Variants in SENP2 observed in about 807,000 individuals in gnomAD.
The protein encoded by SENP2 is SUMO specific peptidase 2, also known as sentrin-specific protease 2.
In SENP2, 16 loss-of-function variants were observed where a neutral mutation model predicts 86.3. The observed-to-expected ratio is 0.19, with a 90% CI of 0.13 to 0.28. The LOEUF (loss-of-function observed/expected upper bound fraction) is 0.28, where lower values mean the gene tolerates loss of function less well. SENP2 is among the 10% of genes least tolerant of loss of function. SENP2 has a pLI of 1.00. For synonymous variants in SENP2, 222 were observed against 238.7 expected, an observed-to-expected ratio of 0.93 and a Z score of 0.64; for missense variants, 552 against 703.0, an observed-to-expected ratio of 0.79 and a Z score of 2.43.
intron 16 of SENP2, among the ~76,000 whole-genome samples, chr3:185,627,517 A>G (rs1313701110): frequency 1.3e-5 from 2 of 152,196 alleles, no homozygotes; most frequent in African/African-American, 2.4e-5. Flanking sequence ...GGTTCAAGCA[A>G]TACTCCTGCC....
chr3:185,599,316 CTG>C, intron 4 of SENP2, among the ~76,000 whole-genome samples: 1 of 152,218 alleles, frequency 6.6e-6, no homozygotes. Flanking sequence ...AGAACTTACT[CTG>C]TGCCGGGTGC....
chr3:185,613,081 CA>C (rs1292578526), intron 9 of SENP2, among the ~76,000 whole-genome samples: 2 of 152,224 alleles, frequency 1.3e-5, no homozygotes, highest in African/African-American at 4.8e-5. Context: ...TCTATTGGAA[CA>C]TGCGAATTCA....
Position 185,626,320 on chromosome 3 carries a change from G to A in SENP2, c.1634G>A (p.Gly545Glu). The change falls in exon 16 of 17, where the codon GGG (glycine) becomes GAG (glutamate). Residue 545 changes from glycine to glutamate, a missense_variant. Gly to Glu is a moderately conservative substitution (Grantham distance 98, BLOSUM62 -2). Around this residue, in one of 2 missense-constraint regions of SENP2, gnomAD observed 169 missense variants for 275.7 expected, o/e 0.61. Transcript: ENST00000296257. ...TAGGAGATTCCTCAACAGCTGAATGGGAGTGATTGTGGAATGTTTACTTGT... is the reference window on the plus strand; with the variant it reads ...TAGGAGATTCCTCAACAGCTGAATGAGAGTGATTGTGGAATGTTTACTTGT... ...KPHEIPQQLNGSDCGMFTCKY... is the reference protein window; with the variant it reads ...KPHEIPQQLNESDCGMFTCKY... The A allele has an allele frequency of 6.2e-7, 1 of 1,610,602 alleles. No homozygotes were observed. The highest frequency in any genetic ancestry group is 8.5e-7 in the Non-Finnish European group (1 of 1,177,826).
intron 5 of SENP2, among the ~76,000 whole-genome samples, chr3:185,603,016 G>A (rs1214309804): frequency 6.8e-6 from 1 of 147,682 alleles, no homozygotes; most frequent in Non-Finnish European, 1.5e-5. Context: ...GGGTTCAAGC[G>A]ATTCTCCTGC....
rs1722512770 is a variant in SENP2, at chr3:185,606,456, G to C, written c.576G>C (p.Glu192Asp). ...CTGTAACAGAGATGATTTCTGAAGA[G>C]AGTGGCAAGGGTCTGAGGCGTCCCC... ...EQAVTEMISE[E>D]SGKGLRRPHC... The change falls in exon 6 of 17, where the codon GAG becomes GAC. Residue 192 changes from glutamate to aspartate, a missense_variant. Around this residue, in one of 2 missense-constraint regions of SENP2, gnomAD observed 383 missense variants for 427.3 expected, o/e 0.90. Coordinates refer to ENST00000296257, the MANE Select transcript of SENP2 (RefSeq NM_021627.3). 1.2e-6 allele frequency: 2 copies of C among 1,613,758 alleles called. No homozygotes were observed. The highest frequency in any genetic ancestry group is 1.1e-5 in the South Asian group (1 of 91,038).
At position 185,598,474 on chromosome 3, in the gene SENP2, T is replaced by A; in HGVS notation, c.220T>A (p.Phe74Ile). ...YNAASLFGFP[F>I]QLTTKPMVTS... ...TGCTGCCAGCTTATTTGGATTCCCA[T>A]TCCAGCTGACCACAAAGCCCATGGT... Residue 74 changes from phenylalanine to isoleucine, a missense_variant, in exon 3 of 17, where the codon TTC (phenylalanine) becomes ATC (isoleucine). Transcript: ENST00000296257. 1 of 1,614,122 alleles carries A rather than the reference T, an allele frequency of 6.2e-7. No individual in the cohort carries two copies. Among genetic ancestry groups the A allele is most frequent in the Non-Finnish European group, 8.5e-7 (1 of 1,179,980 alleles).
chr3:185,591,266 A>T (rs549178391), intron 2 of SENP2, among the ~76,000 whole-genome samples: 13 of 151,918 alleles, frequency 8.6e-5, no homozygotes, highest in African/African-American at 3.1e-4. Flanking sequence ...GTTACCAGGG[A>T]CTTGTCTAAT....
chr3:185,605,826 T>G (rs1288646798), intron 5 of SENP2, among the ~76,000 whole-genome samples: 1 of 152,200 alleles, frequency 6.6e-6, no homozygotes, highest in African/African-American at 2.4e-5. Flanking sequence ...CTTCAGTTCC[T>G]TTAGTGTTTA....
In SENP2 at chr3:185,628,883, CT is replaced by C. The variant is rs141850932; in HGVS notation, c.1708-896del. On this transcript the variant is annotated intron_variant, in intron 16 of 16. Transcript: ENST00000296257. Reference sequence around the variant, plus strand: ...TTTGGAGTTGCTTTTTGTGTTGCTGCTTTGCAAATTGCCCATGTAGTGATTC... The same window carrying C: ...TTTGGAGTTGCTTTTTGTGTTGCTGCTTGCAAATTGCCCATGTAGTGATTC... Among the ~76,000 whole-genome samples, 3 of 152,312 alleles carry C rather than the reference CT, an allele frequency of 2.0e-5. No individual in the cohort carries two copies. In the East Asian group the frequency reaches 5.8e-4, roughly 29 times the overall value.
chr3:185,614,810 G>A, intron 11 of SENP2, 70 bp downstream of exon 11: 3 of 1,497,596 alleles, frequency 2.0e-6, no homozygotes, highest in Non-Finnish European at 2.7e-6. Flanking sequence ...TAACTTGAAT[G>A]TTTTGTTTTG....
intron 14 of SENP2, among the ~76,000 whole-genome samples, 172 bp from the exon 15 acceptor site, chr3:185,623,826 C>CAAAAAAAAAAAAAAAAAAAAAA (rs63707460): frequency 6.3e-5 from 3 of 47,788 alleles, no homozygotes; most frequent in East Asian, 1.8e-3. Context: ...GACTCTGTCT[C>CAAAAAAAAAAAAAAAAAAAAAA]AAAAAAAAAA....
chr3:185,591,485 G>A (rs1577716436), intron 2 of SENP2, among the ~76,000 whole-genome samples: 1 of 151,490 alleles, frequency 6.6e-6, no homozygotes, highest in South Asian at 2.1e-4. Flanking sequence ...CTGAGTAGCT[G>A]GGACTACAGG....
In SENP2 at chr3:185,612,587, T is replaced by C. The variant is rs1722732461; in HGVS notation, c.818-20T>C. 6.3e-7 allele frequency: 1 copy of C among 1,582,734 alleles called. No homozygotes were observed. The highest frequency in any genetic ancestry group is 8.7e-7 in the Non-Finnish European group (1 of 1,153,206). ...CATCGATGAAGGAAACATTTAATCT[T>C]TTCTTTACCATCCTCACAGATAGAC... On this transcript the variant is annotated intron_variant, in intron 8 of 16. Transcript: ENST00000296257.
chr3:185,627,711 T>TGTGAACTTCCGTATACACTAGAAGGACTA, intron 16 of SENP2, among the ~76,000 whole-genome samples: 1 of 152,280 alleles, frequency 6.6e-6, no homozygotes, highest in Middle Eastern at 3.4e-3. Context: ...GCGCCTGGCC[T>TGTGAACTTCCGTATACACTAGAAGGACTA]GTTCTGCTCT....
At chr3:185,597,095 G>A (rs1377847874) in intron 2 of SENP2, among the ~76,000 whole-genome samples, 1 of 151,986 alleles carries the variant, frequency 6.6e-6, no homozygotes, top group East Asian at 1.9e-4. Flanking sequence ...CTCGTGATCT[G>A]CCTGCCTCGG....
At chr3:185,599,717 G>A (rs1046630126) in intron 4 of SENP2, among the ~76,000 whole-genome samples, 2 of 152,016 alleles carry the variant, frequency 1.3e-5, no homozygotes, top group African/African-American at 4.8e-5. Flanking sequence ...GTTTTAAAAA[G>A]TACCTCTAGG....
At chr3:185,624,316 C>T (rs1415084623) in intron 15 of SENP2, among the ~76,000 whole-genome samples, 1 of 152,000 alleles carries the variant, frequency 6.6e-6, no homozygotes, top group African/African-American at 2.4e-5. Context: ...CATGCCTGGC[C>T]AGAGTCTACA....
At chr3:185,600,337 G>A (rs1000339618) in intron 4 of SENP2, among the ~76,000 whole-genome samples, 1 of 152,100 alleles carries the variant, frequency 6.6e-6, no homozygotes, top group Non-Finnish European at 1.5e-5. Flanking sequence ...GTCCATAATC[G>A]GTTATCTGCA....
intron 16 of SENP2, among the ~76,000 whole-genome samples, chr3:185,629,575 C>CAAA (rs34843707): frequency 8.5e-6 from 1 of 117,050 alleles, no homozygotes; most frequent in African/African-American, 3.4e-5. Flanking sequence ...GACTCCATCT[C>CAAA]AAAAAAAAAA....
Sources: gnomAD v4.1 joint callset for allele counts (sites outside exome capture counted in the v4.1 genomes callset) on GRCh38, gnomAD v4.1.1 for gene constraint, gnomAD v4.1.1 regional missense constraint, MANE v1.5 for transcripts, NCBI Gene and HGNC (gene_info 2026-07-23, HGNC 2026-07-21) for gene names.